Variants in LSAMP observed in about 807,000 individuals in gnomAD.
LSAMP encodes limbic system-associated membrane protein.
A neutral mutation model predicts 38.6 loss-of-function variants in LSAMP; 7 were observed. The ratio of observed to expected loss-of-function variants is 0.18; its 90% CI spans 0.10 to 0.34. LSAMP has a LOEUF of 0.34. Among genes scored for constraint, LSAMP ranks in the 10% least tolerant of loss-of-function variants. LSAMP has a pLI of 1.00. For synonymous variants in LSAMP, 154 were observed against 166.8 expected, an observed-to-expected ratio of 0.92 and a Z score of 0.59; for missense variants, 313 against 420.0, an observed-to-expected ratio of 0.75 and a Z score of 2.23.
At chr3:116,125,388 A>AT (rs1708985310) in intron 1 of LSAMP, among the ~76,000 whole-genome samples, 1 of 87,042 alleles carries the variant, frequency 1.1e-5, no homozygotes, top group Non-Finnish European at 2.3e-5. Context: ...AGTTTCCTTC[A>AT]TTGTTTTTTT....
At chr3:116,079,324 A>T (rs1707821338) in intron 2 of LSAMP, among the ~76,000 whole-genome samples, 1 of 152,122 alleles carries the variant, frequency 6.6e-6, no homozygotes, top group African/African-American at 2.4e-5. Context: ...CTGCTCTTCC[A>T]CAACACTTCA....
intron 1 of LSAMP, among the ~76,000 whole-genome samples, chr3:116,165,569 C>G (rs1710030091): frequency 6.6e-6 from 1 of 152,176 alleles, no homozygotes; most frequent in East Asian, 1.9e-4. Flanking sequence ...CACACACACA[C>G]ACTTCTTTTC....
At chr3:116,195,380 T>C (rs1710858950) in intron 1 of LSAMP, among the ~76,000 whole-genome samples, 1 of 152,232 alleles carries the variant, frequency 6.6e-6, no homozygotes, top group Admixed American at 6.5e-5. Context: ...GGCTTTCTAT[T>C]ATTAAAAGCA....
chr3:116,235,014 A>G (rs548698968), intron 1 of LSAMP, among the ~76,000 whole-genome samples: 31 of 131,070 alleles, frequency 2.4e-4, no homozygotes, highest in Non-Finnish European at 5.0e-4. Context: ...TTTTTTATGT[A>G]GCATTATATT....
intron 1 of LSAMP, among the ~76,000 whole-genome samples, chr3:116,233,327 G>A (rs544120229): frequency 6.7e-6 from 1 of 150,266 alleles, no homozygotes; most frequent in South Asian, 2.1e-4. Context: ...GCAGGAGAAT[G>A]GCGTGAACCC....
rs112574838 is a variant in LSAMP at position 116,160,415 on chromosome 3, A to G, written c.156-73859T>C. ...ACTCTGTTGAAAGAAAGAAAGAGAGAGAGGGAGGGAGGGAGGGAGAAAGGA... is the reference window on the plus strand; with the variant it reads ...ACTCTGTTGAAAGAAAGAAAGAGAGGGAGGGAGGGAGGGAGGGAGAAAGGA... On this transcript the variant is annotated intron_variant, in intron 1 of 6. Coordinates refer to ENST00000490035, the MANE Select transcript of LSAMP (RefSeq NM_002338.5). Among the ~76,000 whole-genome samples, 234 of 68,890 alleles carry G rather than the reference A, an allele frequency of 3.4e-3. 9 individuals are homozygous for G. The East Asian group carries it at 0.13, about 39-fold the overall frequency. The allele number at this position is 68,890 out of a possible 152,430, so 45.2% of individuals were successfully genotyped here. A position where few individuals can be genotyped will look rare whatever the true frequency, so the allele number is the denominator to read the frequency against.
chr3:116,022,816 A>T (rs1371304790), intron 2 of LSAMP, among the ~76,000 whole-genome samples: 1 of 152,182 alleles, frequency 6.6e-6, no homozygotes, highest in African/African-American at 2.4e-5. Flanking sequence ...TTATACCTAC[A>T]TTCCAATGGA....
intron 1 of LSAMP, among the ~76,000 whole-genome samples, chr3:116,339,321 G>C (rs976395270): frequency 2.6e-5 from 4 of 151,300 alleles, no homozygotes; most frequent in Admixed American, 6.6e-5. Flanking sequence ...TGGATTCCAG[G>C]ACTGATAGAT....
At chr3:116,302,666 T>TAACA (rs1447279815) in intron 1 of LSAMP, among the ~76,000 whole-genome samples, 1 of 152,202 alleles carries the variant, frequency 6.6e-6, no homozygotes, top group East Asian at 1.9e-4. Context: ...TAGTAAAACA[T>TAACA]AACAGTCATT....
chr3:116,030,618 A>G (rs923122808), intron 2 of LSAMP, among the ~76,000 whole-genome samples: 1 of 152,172 alleles, frequency 6.6e-6, no homozygotes, highest in South Asian at 2.1e-4. Flanking sequence ...CAACCAGAGC[A>G]GATGGTTTTA....
At chr3:115,955,524 C>A (rs1321882217) in intron 3 of LSAMP, among the ~76,000 whole-genome samples, 2 of 152,150 alleles carry the variant, frequency 1.3e-5, no homozygotes, top group East Asian at 3.9e-4. Context: ...TAACCATACA[C>A]AAAATCAGCA....
chr3:116,221,605 T>C (rs970077885), intron 1 of LSAMP, among the ~76,000 whole-genome samples: 6 of 152,132 alleles, frequency 3.9e-5, no homozygotes, highest in Admixed American at 3.3e-4. Flanking sequence ...TAGAAAAGTC[T>C]CTCTGTTTGT....
chr3:116,086,401 T>C lies in LSAMP; in HGVS notation c.311A>G (p.Tyr104Cys). ...TGAGCAAGTGTAGGAACCCTCATCA[T>C]AGACATCCACCTTCTGGATTCGGAG... Reference protein sequence around the residue: ...YSLRIQKVDVYDEGSYTCSVQ... With the variant: ...YSLRIQKVDVCDEGSYTCSVQ... Residue 104 changes from tyrosine to cysteine, a missense_variant, in exon 2 of 7, where the codon TAT becomes TGT. Coordinates refer to ENST00000490035, the MANE Select transcript of LSAMP (RefSeq NM_002338.5). 2 of 1,614,120 alleles carry C rather than the reference T, an allele frequency of 1.2e-6. No individual in the cohort carries two copies. Among genetic ancestry groups the C allele is most frequent in the Non-Finnish European group, 8.5e-7 (1 of 1,179,998 alleles).
Position 115,807,882 on chromosome 3 carries a change from T to C in LSAMP, c.*2435A>G, listed in dbSNP as rs931146289. 2 of 152,278 alleles carry C rather than the reference T, an allele frequency of 1.3e-5. No homozygotes were observed. The highest frequency in any genetic ancestry group is 3.9e-4 in the East Asian group (2 of 5,178). The allele number at this position is 152,278 out of a possible 1,614,324, so 9.4% of individuals were successfully genotyped here. A position where few individuals can be genotyped will look rare whatever the true frequency, so the allele number is the denominator to read the frequency against. On this transcript the variant is annotated 3_prime_UTR_variant, in exon 7 of 7. Coordinates refer to ENST00000490035, the MANE Select transcript of LSAMP (RefSeq NM_002338.5). ...AGCTACCTTCTTGGATGAGAATTTG[T>C]TTTCTCTCCTATGTCAGAATCTGCT... is the stretch of plus-strand genomic sequence containing the variant.
At chr3:116,206,100 A>G (rs1361950616) in intron 1 of LSAMP, among the ~76,000 whole-genome samples, 1 of 151,174 alleles carries the variant, frequency 6.6e-6, no homozygotes, top group Non-Finnish European at 1.5e-5. Context: ...TGGTCTATTC[A>G]GAGATTCAAC....
chr3:116,065,923 T>C (rs1376848320), intron 2 of LSAMP, among the ~76,000 whole-genome samples: 5 of 152,224 alleles, frequency 3.3e-5, no homozygotes, highest in Non-Finnish European at 5.9e-5. Flanking sequence ...ATTTTATCTA[T>C]ACTAGGGATG....
chr3:116,101,567 C>T (rs1401671887), intron 1 of LSAMP, among the ~76,000 whole-genome samples: 1 of 152,088 alleles, frequency 6.6e-6, no homozygotes, highest in Non-Finnish European at 1.5e-5. Context: ...GGTTCAATAA[C>T]CTACTTTTAG....
At chr3:115,914,720 A>G (rs1027651186) in intron 3 of LSAMP, among the ~76,000 whole-genome samples, 2 of 152,224 alleles carry the variant, frequency 1.3e-5, no homozygotes, top group Non-Finnish European at 2.9e-5. Flanking sequence ...ATCAACAGGC[A>G]GAACTGCTCC....
At chr3:116,387,617 T>C (rs1021957151) in intron 1 of LSAMP, among the ~76,000 whole-genome samples, 3 of 152,056 alleles carry the variant, frequency 2.0e-5, no homozygotes, top group Non-Finnish European at 2.9e-5. Context: ...GGGTTCTCTT[T>C]CCCCCATGGA....
Sources: allele counts gnomAD v4.1 joint callset (sites outside exome capture counted in the v4.1 genomes callset), GRCh38; gene constraint gnomAD v4.1.1; transcripts MANE v1.5; gene names NCBI Gene and HGNC (gene_info 2026-07-23, HGNC 2026-07-21).